FER1L6: variants seen among roughly 807,000 people sequenced by gnomAD.
FER1L6 encodes fer-1 like family member 6, also known as fer-1-like protein 6.
A neutral mutation model predicts 219.2 loss-of-function variants in FER1L6; 177 were observed. The ratio of observed to expected loss-of-function variants is 0.81; its 90% CI spans 0.71 to 0.91. The LOEUF (loss-of-function observed/expected upper bound fraction) is 0.91. FER1L6 is among the 40% of genes least tolerant of loss of function. The pLI is 0.00. For missense variants in FER1L6, 2,153 were observed against 2,259.9 expected (o/e 0.95, Z 0.96); for synonymous variants, 768 against 824.3 (o/e 0.93, Z 1.17).
chr8:123,941,054 T>C (rs1586491843), intron 1 of FER1L6, among the ~76,000 whole-genome samples: 1 of 152,198 alleles, frequency 6.6e-6, no homozygotes, highest in East Asian at 1.9e-4. Context: ...TAAACGTTTG[T>C]GGTGTGAACC....
In FER1L6 at chr8:123,963,277, G is replaced by C. The variant is rs1563711083; in HGVS notation, c.77-1G>C. The C allele has an allele frequency of 6.2e-7, 1 of 1,613,888 alleles. No homozygotes were observed. The highest frequency in any genetic ancestry group is 8.5e-7 in the Non-Finnish European group (1 of 1,179,888). ...TTTTCTTCCTTTGTTTGCTTCTCCAGATAGTCAAGGTGACACTGAAGCACT... is the reference window on the plus strand; with the variant it reads ...TTTTCTTCCTTTGTTTGCTTCTCCACATAGTCAAGGTGACACTGAAGCACT... On this transcript the variant is annotated splice_acceptor_variant, in intron 2 of 40. Coordinates refer to ENST00000522917, the MANE Select transcript of FER1L6 (RefSeq NM_001039112.2). LOFTEE classifies it high-confidence loss of function.
rs546432707 is a variant in FER1L6, at chr8:123,904,904, G to A, written c.-7-51088G>A. On this transcript the variant is annotated intron_variant, in intron 1 of 40. Coordinates refer to ENST00000522917, the MANE Select transcript of FER1L6 (RefSeq NM_001039112.2). Reference sequence around the variant, plus strand: ...GATATTTATGAACAAGTGGTTAAACGTTTGGTAGTTTGAAATCAGCCATGG... The same window carrying A: ...GATATTTATGAACAAGTGGTTAAACATTTGGTAGTTTGAAATCAGCCATGG... Among the ~76,000 whole-genome samples the A allele has an allele frequency of 6.6e-5, 10 of 152,294 alleles. No individual in the cohort carries two copies. The South Asian group carries it at 1.0e-3, about 16-fold the overall frequency.
At chr8:123,965,009 C>T (rs564170087) in intron 3 of FER1L6, among the ~76,000 whole-genome samples, 11 of 152,324 alleles carry the variant, frequency 7.2e-5, no homozygotes, top group Admixed American at 5.9e-4. Context: ...TGGGCTTTCA[C>T]ATAATAAATA....
At chr8:124,117,531 T>G (rs1026614002) in intron 39 of FER1L6, among the ~76,000 whole-genome samples, 2 of 152,186 alleles carry the variant, frequency 1.3e-5, no homozygotes, top group Non-Finnish European at 2.9e-5. Flanking sequence ...CATGAAACAT[T>G]TCTAGGTCAT....
chr8:123,995,978 C>T (rs747815906), intron 12 of FER1L6, among the ~76,000 whole-genome samples: 23 of 152,064 alleles, frequency 1.5e-4, no homozygotes, highest in East Asian at 5.8e-4. Flanking sequence ...AAATTTCTCG[C>T]GTTACTGATT....
intron 18 of FER1L6, among the ~76,000 whole-genome samples, chr8:124,025,537 A>G (rs1235073207): frequency 6.6e-6 from 1 of 152,168 alleles, no homozygotes; most frequent in Non-Finnish European, 1.5e-5. Flanking sequence ...ACTGGCCTAT[A>G]TATCTACTTT....
chr8:123,970,217 T>C, intron 6 of FER1L6, 120 bp downstream of exon 6: 2 of 906,064 alleles, frequency 2.2e-6, no homozygotes, highest in Admixed American at 1.8e-5. Context: ...CAAGTGTCAG[T>C]TGGTGAGTCT....
chr8:124,009,287 G>T (rs79963376), intron 13 of FER1L6, among the ~76,000 whole-genome samples: 4,702 of 151,816 alleles, frequency 0.031, 212 homozygotes, highest in East Asian at 0.11. Context: ...CTTTTTTTTT[G>T]AAAGGAAAAC....
chr8:124,029,447 T>G (rs1818862701), intron 18 of FER1L6, among the ~76,000 whole-genome samples: 2 of 152,192 alleles, frequency 1.3e-5, no homozygotes, highest in African/African-American at 4.8e-5. Context: ...TTTCTTGACT[T>G]TTTTATAATT....
At chr8:124,042,675 T>A (rs2130742438) in intron 20 of FER1L6, among the ~76,000 whole-genome samples, 1 of 152,262 alleles carries the variant, frequency 6.6e-6, no homozygotes, top group Admixed American at 6.5e-5. Flanking sequence ...TTTTTAATGA[T>A]GAGGAAAGCT....
chr8:124,082,827 T>C (rs1261031811), intron 33 of FER1L6, among the ~76,000 whole-genome samples: 2 of 152,230 alleles, frequency 1.3e-5, no homozygotes, highest in South Asian at 4.1e-4. Flanking sequence ...ATAACACTCA[T>C]GTACTTTCGA....
chr8:123,866,387 T>A (rs181133406), intron 1 of FER1L6, among the ~76,000 whole-genome samples: 1 of 152,144 alleles, frequency 6.6e-6, no homozygotes, highest in Non-Finnish European at 1.5e-5. Context: ...TACCCATTCA[T>A]CCTTTGATGG....
chr8:123,950,592 AG>A (rs1189391427), intron 1 of FER1L6, among the ~76,000 whole-genome samples: 1 of 152,144 alleles, frequency 6.6e-6, no homozygotes, highest in Non-Finnish European at 1.5e-5. Flanking sequence ...GCATCCTTGG[AG>A]GTGTATTTCC....
chr8:124,007,457 G>A (rs1380881698), intron 13 of FER1L6, among the ~76,000 whole-genome samples: 1 of 152,118 alleles, frequency 6.6e-6, no homozygotes, highest in African/African-American at 2.4e-5. Flanking sequence ...AACAATAGCT[G>A]TCATTAGGCA....
At chr8:123,868,329 G>A (rs1432633189) in intron 1 of FER1L6, among the ~76,000 whole-genome samples, 1 of 152,124 alleles carries the variant, frequency 6.6e-6, no homozygotes, top group East Asian at 1.9e-4. Context: ...GACATTGAGG[G>A]AGGAATCAAA....
intron 24 of FER1L6, among the ~76,000 whole-genome samples, chr8:124,061,157 C>T (rs1214983989): frequency 2.0e-5 from 3 of 152,212 alleles, no homozygotes; most frequent in African/African-American, 4.8e-5. Context: ...TTAATGGCTA[C>T]GTTTTTAAAA....
intron 39 of FER1L6, among the ~76,000 whole-genome samples, chr8:124,112,401 C>T (rs952128054): frequency 3.9e-5 from 6 of 152,128 alleles, no homozygotes; most frequent in African/African-American, 1.2e-4. Context: ...AACAGCTCCA[C>T]GGGATTGCTG....
At chr8:123,873,346 C>T (rs1446702182) in intron 1 of FER1L6, among the ~76,000 whole-genome samples, 1 of 152,308 alleles carries the variant, frequency 6.6e-6, no homozygotes, top group Non-Finnish European at 1.5e-5. Context: ...GGAACTCATC[C>T]CAGTCCCCTG....
At chr8:124,077,503 G>C (rs1293340595) in intron 32 of FER1L6, among the ~76,000 whole-genome samples, 1 of 152,144 alleles carries the variant, frequency 6.6e-6, no homozygotes, top group African/African-American at 2.4e-5. Flanking sequence ...GGCAATAAAT[G>C]ATCTTGCCTG....
Sources: gnomAD v4.1 joint callset for allele counts (sites outside exome capture counted in the v4.1 genomes callset) on GRCh38, gnomAD v4.1.1 for gene constraint, MANE v1.5 for transcripts, NCBI Gene and HGNC (gene_info 2026-07-23, HGNC 2026-07-21) for gene names.